EBF3: variants seen among roughly 807,000 people sequenced by gnomAD.
EBF3 encodes transcription factor COE3.
In EBF3, 18 loss-of-function variants were observed where a neutral mutation model predicts 77.1. The ratio of observed to expected loss-of-function variants is 0.23; its 90% CI spans 0.16 to 0.35. The LOEUF (loss-of-function observed/expected upper bound fraction) is 0.35, where lower values mean the gene tolerates loss of function less well. Among genes scored for constraint, EBF3 ranks in the 10% least tolerant of loss-of-function variants. The pLI, the probability that EBF3 is intolerant of heterozygous loss-of-function variation, is 1.00. For missense variants in EBF3, 558 were observed against 860.0 expected, an observed-to-expected ratio of 0.65 and a Z score of 4.39; for synonymous variants, 350 against 343.5, an observed-to-expected ratio of 1.02 and a Z score of -0.21.
At chr10:129,858,565 T>A (rs114292360) in intron 10 of EBF3, among the ~76,000 whole-genome samples, 1 of 152,238 alleles carries the variant, frequency 6.6e-6, no homozygotes, top group African/African-American at 2.4e-5. Context: ...TCAACAAGCA[T>A]CTGACTGACC....
At chr10:129,906,013 G>A (rs1855118314) in intron 6 of EBF3, among the ~76,000 whole-genome samples, 1 of 152,186 alleles carries the variant, frequency 6.6e-6, no homozygotes, top group Non-Finnish European at 1.5e-5. Context: ...AAAGAATGGT[G>A]AATAAAAGCA....
At chr10:129,894,450 G>A (rs989486381) in intron 6 of EBF3, among the ~76,000 whole-genome samples, 6 of 152,136 alleles carry the variant, frequency 3.9e-5, no homozygotes, top group South Asian at 2.1e-4. Flanking sequence ...CCTTGCCCCC[G>A]TGGCTGGCAC....
At chr10:129,932,828 C>T (rs1265268781) in intron 6 of EBF3, among the ~76,000 whole-genome samples, 1 of 151,648 alleles carries the variant, frequency 6.6e-6, no homozygotes, top group East Asian at 1.9e-4. Context: ...AACCAGCCGT[C>T]ATCCTCAAAC....
chr10:129,846,287 G>A (rs1241539144), intron 11 of EBF3, among the ~76,000 whole-genome samples: 2 of 152,024 alleles, frequency 1.3e-5, no homozygotes, highest in East Asian at 1.9e-4. Context: ...CCAAAACAAT[G>A]TGTGTGCAAT....
At chr10:129,839,880 G>A (rs1233128434) in intron 15 of EBF3, among the ~76,000 whole-genome samples, 3 of 152,206 alleles carry the variant, frequency 2.0e-5, no homozygotes, top group South Asian at 2.1e-4. Context: ...GCCAGGCCCC[G>A]GGCAAAGGCC....
intron 7 of EBF3, among the ~76,000 whole-genome samples, chr10:129,874,939 G>T (rs902439885): frequency 6.6e-6 from 1 of 151,960 alleles, no homozygotes; most frequent in Non-Finnish European, 1.5e-5. Context: ...GGCGCACGGG[G>T]GTACACGGGC....
At chr10:129,940,765 G>T (rs1857675267) in intron 6 of EBF3, among the ~76,000 whole-genome samples, 1 of 152,188 alleles carries the variant, frequency 6.6e-6, no homozygotes, top group African/African-American at 2.4e-5. Context: ...CCACCCAGGG[G>T]TGGCCCAGGA....
chr10:129,889,862 A>C (rs1853887068), intron 6 of EBF3, among the ~76,000 whole-genome samples: 1 of 143,250 alleles, frequency 7.0e-6, no homozygotes, highest in South Asian at 2.3e-4. Flanking sequence ...GCAGCCCCCG[A>C]CCACTTTTAC....
In EBF3 at chr10:129,935,573, T is replaced by TACATGCACCCC. The variant is rs1318770656; in HGVS notation, c.554+21674_554+21684dup. Among the ~76,000 whole-genome samples, 6 of 152,104 alleles carry TACATGCACCCC rather than the reference T, an allele frequency of 3.9e-5. No homozygotes were observed. Among genetic ancestry groups the TACATGCACCCC allele is most frequent in the Non-Finnish European group, 7.4e-5 (5 of 68,018 alleles). ...CCCATATGTAAGGCATGGGGTTAGA[T>TACATGCACCCC]ACATGCACCCCACAAGGCTGGCGGG... On this transcript the variant is annotated intron_variant, in intron 6 of 16. Transcript: ENST00000440978. The surrounding 1 kb of genome is among the most constrained non-coding windows in gnomAD (Gnocchi z 4.2).
rs1486073041 is a variant in EBF3, at chr10:129,958,036, A to G, written c.486-710T>C. Among the ~76,000 whole-genome samples, 4 of 152,390 alleles carry G rather than the reference A, an allele frequency of 2.6e-5. No individual in the cohort carries two copies. The East Asian group carries it at 7.7e-4, about 29-fold the overall frequency. On this transcript the variant is annotated intron_variant, in intron 5 of 16. Transcript: ENST00000440978. Reference sequence around the variant, plus strand: ...TCTACAGTCTTCCACTTAGAGCTTAAATCACATCTGTGCGCTTTCTATGTT... The same window carrying G: ...TCTACAGTCTTCCACTTAGAGCTTAGATCACATCTGTGCGCTTTCTATGTT...
chr10:129,926,744 G>A (rs1016466749), intron 6 of EBF3, among the ~76,000 whole-genome samples: 4 of 152,104 alleles, frequency 2.6e-5, no homozygotes, highest in African/African-American at 9.7e-5. Flanking sequence ...CAGGAAACGA[G>A]GATGCCCCTC....
At chr10:129,876,107 C>G (rs1392216434) in intron 7 of EBF3, among the ~76,000 whole-genome samples, 3 of 152,184 alleles carry the variant, frequency 2.0e-5, no homozygotes, top group Admixed American at 6.5e-5. Flanking sequence ...GAGTGTAGTT[C>G]AGCAGAGAGA....
intron 6 of EBF3, among the ~76,000 whole-genome samples, chr10:129,955,689 A>G (rs1324037205): frequency 6.6e-6 from 1 of 152,262 alleles, no homozygotes; most frequent in Non-Finnish European, 1.5e-5. Context: ...AAGGGAAAAC[A>G]CAGCATCCAA....
rs79456207 is a variant in EBF3 at position 129,943,068 on chromosome 10, A to T, written c.554+14190T>A. 2.3e-3 allele frequency among the ~76,000 whole-genome samples: 349 copies of T among 152,294 alleles called. 11 individuals carry two copies. In the East Asian group the frequency reaches 0.06, roughly 26 times the overall value. Reference sequence around the variant, plus strand: ...ACAACCGATTCCTGTCCTCCATTCTAAACCACTTTGCCTGCACGATGGGAA... The same window carrying T: ...ACAACCGATTCCTGTCCTCCATTCTTAACCACTTTGCCTGCACGATGGGAA... On this transcript the variant is annotated intron_variant, in intron 6 of 16. Coordinates refer to ENST00000440978, the MANE Select transcript of EBF3 (RefSeq NM_001375380.1). The surrounding 1 kb of genome is among the most constrained non-coding windows in gnomAD (Gnocchi z 8.8).
chr10:129,838,001 C>G (rs752169594), intron 16 of EBF3, 41 bp from the exon 17 acceptor site: 6 of 1,613,404 alleles, frequency 3.7e-6, no homozygotes, highest in South Asian at 1.1e-5. Flanking sequence ...CAGGCTCCCC[C>G]ACGCGCCCTC....
intron 6 of EBF3, among the ~76,000 whole-genome samples, chr10:129,953,716 C>T (rs1858839755): frequency 6.6e-6 from 1 of 152,200 alleles, no homozygotes; most frequent in South Asian, 2.1e-4. Context: ...AGTTGGCCTC[C>T]CCACTTTGCA....
rs1248726577 is a variant in EBF3 at position 129,952,784 on chromosome 10, A to C, written c.554+4474T>G. On this transcript the variant is annotated intron_variant, in intron 6 of 16. Coordinates refer to ENST00000440978, the MANE Select transcript of EBF3 (RefSeq NM_001375380.1). This position sits in a 1 kb window ranked among gnomAD's most constrained non-coding sequence, Gnocchi z 4.7. ...TAATAATCATACATAATCGTTTGGA[A>C]ATATAGCTAATAAAAAATATAATGA... is the stretch of plus-strand genomic sequence containing the variant. Among the ~76,000 whole-genome samples the C allele has an allele frequency of 6.6e-6, 1 of 152,198 alleles. No homozygotes were observed. The highest frequency in any genetic ancestry group is 1.5e-5 in the Non-Finnish European group (1 of 68,044).
chr10:129,836,928 C>T lies in EBF3; in HGVS notation c.*1015G>A, dbSNP rs534646711. The T allele has an allele frequency of 6.5e-5, 10 of 152,674 alleles. No individual in the cohort carries two copies. Among genetic ancestry groups the T allele is most frequent in the African/African-American group, 2.2e-4 (9 of 41,526 alleles). 9.5% of individuals were successfully genotyped at this position (152,674 alleles called of 1,614,324 possible). On this transcript the variant is annotated 3_prime_UTR_variant, in exon 17 of 17. Transcript: ENST00000440978. ...AGACCATTTTATTCCTTATAAGACA[C>T]ATAAGGAATAAAACTTGTTTTTCTA...
intron 8 of EBF3, among the ~76,000 whole-genome samples, chr10:129,869,390 GC>G (rs904559133): frequency 6.8e-6 from 1 of 146,230 alleles, no homozygotes; most frequent in Non-Finnish European, 1.5e-5. Flanking sequence ...CAAGCCACCC[GC>G]CCCCCACCAC....
Sources: gnomAD v4.1 joint callset for allele counts (sites outside exome capture counted in the v4.1 genomes callset) on GRCh38, gnomAD v4.1.1 for gene constraint, Gnocchi (gnomAD v3.1) non-coding constraint, MANE v1.5 for transcripts, NCBI Gene and HGNC (gene_info 2026-07-23, HGNC 2026-07-21) for gene names.